DNAAF9: variants seen among roughly 807,000 people sequenced by gnomAD.
DNAAF9 encodes the protein dynein axonemal assembly factor 9, also known as shulin.
In DNAAF9, 90 loss-of-function variants were observed where a neutral mutation model predicts 167.0. The observed-to-expected ratio is 0.54, with a 90% CI of 0.45 to 0.64. The LOEUF (loss-of-function observed/expected upper bound fraction) is 0.64, where lower values mean the gene tolerates loss of function less well. Among genes scored for constraint, DNAAF9 ranks in the 30% least tolerant of loss-of-function variants. The pLI is 0.00. For missense variants in DNAAF9, 1,315 were observed against 1,442.2 expected, an observed-to-expected ratio of 0.91 and a Z score of 1.43; for synonymous variants, 491 against 508.8, an observed-to-expected ratio of 0.96 and a Z score of 0.47.
chr20:3,326,722 T>C (rs2069717595), intron 12 of DNAAF9, among the ~76,000 whole-genome samples: 1 of 147,078 alleles, frequency 6.8e-6, no homozygotes, highest in African/African-American at 2.5e-5. Flanking sequence ...TACTCCAGCC[T>C]GGGTGACAGA....
At chr20:3,282,257 A>G (rs2068776326) in intron 27 of DNAAF9, among the ~76,000 whole-genome samples, 1 of 152,110 alleles carries the variant, frequency 6.6e-6, no homozygotes, top group Non-Finnish European at 1.5e-5. Flanking sequence ...AACTCTCTCC[A>G]AACTCCAAAC....
At chr20:3,340,433 T>TCCGGGGGGGCCCCCCCCCCCCCC in intron 10 of DNAAF9, 71 bp downstream of exon 10, 1 of 221,214 alleles carries the variant, frequency 4.5e-6, no homozygotes, top group Non-Finnish European at 9.5e-6. Context: ...TTTGTCTAGC[T>TCCGGGGGGGCCCCCCCCCCCCCC]CCCCCCACCC....
At chr20:3,405,398 A>C (rs2084041619) in intron 1 of DNAAF9, among the ~76,000 whole-genome samples, 1 of 152,194 alleles carries the variant, frequency 6.6e-6, no homozygotes, top group Admixed American at 6.5e-5. Context: ...TATGGGTGAC[A>C]GGAAAGTGCT....
At chr20:3,392,173 A>C (rs1334146492) in intron 1 of DNAAF9, among the ~76,000 whole-genome samples, 1 of 152,164 alleles carries the variant, frequency 6.6e-6, no homozygotes, top group African/African-American at 2.4e-5. Context: ...ATCTACAAAA[A>C]GAAAAAGAAA....
chr20:3,364,032 G>C (rs2123189563), intron 6 of DNAAF9, among the ~76,000 whole-genome samples: 1 of 152,202 alleles, frequency 6.6e-6, no homozygotes, highest in East Asian at 1.9e-4. Context: ...GAACTCTTGG[G>C]TGCAAGTGAT....
intron 20 of DNAAF9, among the ~76,000 whole-genome samples, chr20:3,306,444 T>C (rs1028114968): frequency 1.3e-5 from 2 of 152,222 alleles, no homozygotes; most frequent in Non-Finnish European, 2.9e-5. Flanking sequence ...TCACGCAGTA[T>C]TTACTAAGCA....
chr20:3,313,740 T>G (rs557746621), intron 20 of DNAAF9, among the ~76,000 whole-genome samples: 5 of 152,270 alleles, frequency 3.3e-5, no homozygotes, highest in Non-Finnish European at 7.3e-5. Flanking sequence ...CCCTCAAAAT[T>G]CTACTGGCAA....
chr20:3,288,922 TC>T (rs1358775569), intron 26 of DNAAF9, among the ~76,000 whole-genome samples: 1 of 152,126 alleles, frequency 6.6e-6, no homozygotes, highest in Non-Finnish European at 1.5e-5. Context: ...CCAGATGCAC[TC>T]CCAGCCCTCT....
rs2068194577 is a variant in DNAAF9, at chr20:3,251,519, A to C, written c.*1053T>G. The C allele has an allele frequency of 6.6e-6, 1 of 152,208 alleles. No individual in the cohort carries two copies. Among genetic ancestry groups the C allele is most frequent in the Non-Finnish European group, 1.5e-5 (1 of 68,044 alleles). 9.4% of individuals were successfully genotyped at this position (152,208 alleles called of 1,614,324 possible). A position where few individuals can be genotyped will look rare whatever the true frequency, so the allele number is the denominator to read the frequency against. On this transcript the variant is annotated 3_prime_UTR_variant, in exon 37 of 37. Coordinates refer to ENST00000252032, the MANE Select transcript of DNAAF9 (RefSeq NM_001009984.3). ...CCCTCTGCTTTATGGTCCAGCTTAA[A>C]ACGATGCCATTAGAAGGAATTCTAA...
chr20:3,294,654 T>C, intron 23 of DNAAF9, 25 bp from the exon 24 acceptor site: 3 of 1,449,252 alleles, frequency 2.1e-6, no homozygotes, highest in Non-Finnish European at 2.9e-6. Flanking sequence ...GCTCACAGAT[T>C]AGAAGTCCAT....
At chr20:3,388,140 T>G (rs1001516033) in intron 1 of DNAAF9, among the ~76,000 whole-genome samples, 1 of 150,658 alleles carries the variant, frequency 6.6e-6, no homozygotes, top group African/African-American at 2.4e-5. Flanking sequence ...GCCAAGCACA[T>G]GAAAAGAAAC....
intron 1 of DNAAF9, among the ~76,000 whole-genome samples, chr20:3,386,598 A>T (rs577932325): frequency 6.6e-6 from 1 of 151,904 alleles, no homozygotes; most frequent in Non-Finnish European, 1.5e-5. Flanking sequence ...ATCCATAGGG[A>T]AAAAAAATGA....
At chr20:3,274,630 AAC>A (rs2068648248) in intron 29 of DNAAF9, among the ~76,000 whole-genome samples, 1 of 152,206 alleles carries the variant, frequency 6.6e-6, no homozygotes, top group Non-Finnish European at 1.5e-5. Flanking sequence ...TGGGAACCGT[AAC>A]ACATCACTCT....
chr20:3,264,182 C>T lies in DNAAF9; in HGVS notation c.2873+256G>A, dbSNP rs75292804. Among the ~76,000 whole-genome samples, 401 of 152,324 alleles carry T rather than the reference C, an allele frequency of 2.6e-3. 4 individuals carry two copies. Among genetic ancestry groups the T allele is most frequent in the East Asian group, 0.017 (90 of 5,172 alleles). On this transcript the variant is annotated intron_variant, in intron 31 of 36. Transcript: ENST00000252032. Reference sequence around the variant, plus strand: ...GGGGCTGGAGGAACACAGGGCACAGCGGTGCTTGCTGCCTACAGGATGATT... The same window carrying T: ...GGGGCTGGAGGAACACAGGGCACAGTGGTGCTTGCTGCCTACAGGATGATT...
At chr20:3,391,979 G>C (rs116867824) in intron 1 of DNAAF9, among the ~76,000 whole-genome samples, 2,914 of 152,194 alleles carry the variant, frequency 0.019, 40 homozygotes, top group Non-Finnish European at 0.029. Flanking sequence ...ACTAGCCTTA[G>C]CAACACAGCA....
intron 1 of DNAAF9, among the ~76,000 whole-genome samples, chr20:3,400,764 T>G (rs2083971636): frequency 1.3e-5 from 2 of 152,210 alleles, no homozygotes; most frequent in Admixed American, 1.3e-4. Context: ...TGTGAAACAT[T>G]GTTAAGATAT....
At chr20:3,314,428 C>G (rs1206281783) in intron 20 of DNAAF9, among the ~76,000 whole-genome samples, 1 of 152,052 alleles carries the variant, frequency 6.6e-6, no homozygotes, top group Non-Finnish European at 1.5e-5. Context: ...GAGGGGGTCA[C>G]AAGAGCAAGG....
chr20:3,363,655 C>T (rs2083394155), intron 6 of DNAAF9, among the ~76,000 whole-genome samples: 1 of 151,360 alleles, frequency 6.6e-6, no homozygotes, highest in Non-Finnish European at 1.5e-5. Context: ...GAGTTCAAGA[C>T]CTGCCTGGGC....
intron 27 of DNAAF9, 121 bp from the exon 28 acceptor site, chr20:3,281,887 A>T (rs545883874): frequency 3.1e-5 from 28 of 906,982 alleles, no homozygotes; most frequent in South Asian, 2.9e-4. Context: ...AAGAGCCCGC[A>T]ATCTGGTCCC....
Sources: allele counts gnomAD v4.1 joint callset (sites outside exome capture counted in the v4.1 genomes callset), GRCh38; gene constraint gnomAD v4.1.1; transcripts MANE v1.5; gene names NCBI Gene and HGNC (gene_info 2026-07-23, HGNC 2026-07-21).